The following IL1RAPL1 variants were observed in gnomAD, a reference collection of about 807,000 sequenced individuals.
IL1RAPL1 encodes interleukin-1 receptor accessory protein-like 1.
IL1RAPL1 carries 3 observed loss-of-function variants against 48.4 expected under a neutral mutation model. The ratio of observed to expected loss-of-function variants is 0.06; its 90% CI spans 0.03 to 0.16. The LOEUF (loss-of-function observed/expected upper bound fraction) is 0.16. Ranked by LOEUF, IL1RAPL1 falls within the 10% of genes least tolerant of loss-of-function variation. The probability of loss-of-function intolerance (pLI) is 1.00; values close to 1 mark genes in which losing one functional copy is unlikely to be tolerated. For synonymous variants in IL1RAPL1, 185 were observed against 187.7 expected, an observed-to-expected ratio of 0.99 and a Z score of 0.12; for missense variants, 349 against 530.6, an observed-to-expected ratio of 0.66 and a Z score of 3.36.
At chrX:28,684,554 C>G (rs1935092460) in intron 1 of IL1RAPL1, among the ~76,000 whole-genome samples, 1 of 111,984 alleles carries the variant, frequency 8.9e-6, no homozygotes, top group Admixed American at 9.5e-5. Context: ...CCTATACTTT[C>G]TTGCCTATTT....
chrX:28,733,136 T>TTATATA (rs759306785), intron 1 of IL1RAPL1, among the ~76,000 whole-genome samples: 3 of 107,717 alleles, frequency 2.8e-5, no homozygotes, highest in South Asian at 4.0e-4. Context: ...GCACACACAG[T>TTATATA]TATATATATA....
At chrX:29,563,219 G>C (rs1602299341) in intron 5 of IL1RAPL1, among the ~76,000 whole-genome samples, 1 of 111,727 alleles carries the variant, frequency 9.0e-6, no homozygotes, top group Non-Finnish European at 1.9e-5. Flanking sequence ...GCAGTTTTAT[G>C]TATTCCAGAT....
chrX:29,306,484 G>A (rs376195792), intron 3 of IL1RAPL1, among the ~76,000 whole-genome samples: 4 of 85,262 alleles, frequency 4.7e-5, no homozygotes, highest in East Asian at 4.0e-4. Flanking sequence ...AGCCAAGATC[G>A]TGCCACTGCA....
At chrX:29,686,234 T>G (rs767435331) in intron 6 of IL1RAPL1, among the ~76,000 whole-genome samples, 33 of 111,785 alleles carry the variant, frequency 3.0e-4, no homozygotes, top group Non-Finnish European at 4.9e-4. Context: ...GATAGCATTT[T>G]GTATTCAGTT....
intron 5 of IL1RAPL1, among the ~76,000 whole-genome samples, chrX:29,419,546 C>G (rs779789346): frequency 1.8e-5 from 2 of 111,550 alleles, no homozygotes; most frequent in Non-Finnish European, 3.8e-5. Flanking sequence ...GTCTTGAACT[C>G]CTGACCTCAG....
intron 6 of IL1RAPL1, among the ~76,000 whole-genome samples, chrX:29,744,748 A>C (rs769631277): frequency 1.8e-5 from 2 of 112,213 alleles, no homozygotes; most frequent in Non-Finnish European, 3.8e-5. Flanking sequence ...TCAGTGATTA[A>C]AAATGAGTCG....
chrX:29,345,496 T>G lies in IL1RAPL1; in HGVS notation c.363-50762T>G, dbSNP rs183309092. Among the ~76,000 whole-genome samples, 1,027 of 112,251 alleles carry G rather than the reference T, an allele frequency of 9.1e-3. 11 individuals are homozygous for G. The highest frequency in any genetic ancestry group is 0.032 in the African/African-American group (975 of 30,923). On this transcript the variant is annotated intron_variant, in intron 3 of 10. Coordinates refer to ENST00000378993, the MANE Select transcript of IL1RAPL1 (RefSeq NM_014271.4). The stretch of plus-strand genomic sequence containing the variant: ...TGTATTGGTTTGTTTTATTTTTCAT[T>G]GATTTATAGATAATATTTTGTAAAT...
intron 6 of IL1RAPL1, among the ~76,000 whole-genome samples, chrX:29,693,969 G>A (rs994209401): frequency 7.2e-5 from 8 of 111,206 alleles, no homozygotes; most frequent in African/African-American, 2.0e-4. Flanking sequence ...TGTAAGATTC[G>A]GTTAAGTAGC....
rs1555960745 is a variant in IL1RAPL1 at position 29,081,020 on chromosome X, C to CTCTCTCT, written c.83-201917_83-201916insCTCTCTT. Among the ~76,000 whole-genome samples the CTCTCTCT allele has an allele frequency of 3.3e-4, 14 of 41,913 alleles. 1 individual carries two copies. Among genetic ancestry groups the CTCTCTCT allele is most frequent in the Non-Finnish European group, 6.2e-4 (14 of 22,721 alleles). The allele number at this position is 41,913 out of a possible 115,157, so 36.4% of individuals were successfully genotyped here. On this transcript the variant is annotated intron_variant, in intron 2 of 10. Transcript: ENST00000378993. Reference sequence around the variant, plus strand: ...TCTCTCTCTCTCTCTCTCTCTCTCTCTTTCTTTTCTTTTCTTTTCTTTTCT... The same window carrying CTCTCTCT: ...TCTCTCTCTCTCTCTCTCTCTCTCTCTCTCTCTTTTCTTTTCTTTTCTTTTCTTTTCT...
At chrX:29,076,885 A>G (rs953207204) in intron 2 of IL1RAPL1, among the ~76,000 whole-genome samples, 2 of 111,179 alleles carry the variant, frequency 1.8e-5, no homozygotes, top group East Asian at 5.6e-4. Context: ...AAAGCAAAGA[A>G]AAAAGGAAAA....
intron 2 of IL1RAPL1, among the ~76,000 whole-genome samples, chrX:28,793,936 G>A (rs780122637): frequency 1.3e-4 from 15 of 111,191 alleles, no homozygotes; most frequent in Admixed American, 1.3e-3. Context: ...CAGAGTCAGG[G>A]TTCAAGGAAA....
chrX:28,685,078 G>T (rs764050264), intron 1 of IL1RAPL1, among the ~76,000 whole-genome samples: 2 of 111,930 alleles, frequency 1.8e-5, no homozygotes, highest in East Asian at 5.6e-4. Context: ...TATCAAACTA[G>T]TTTAACCTTC....
chrX:28,628,785 A>G (rs1039877265), intron 1 of IL1RAPL1, among the ~76,000 whole-genome samples: 1 of 112,339 alleles, frequency 8.9e-6, no homozygotes, highest in African/African-American at 3.2e-5. Flanking sequence ...AGCACAGATT[A>G]TACACACATC....
chrX:29,650,543 T>TA, intron 5 of IL1RAPL1, among the ~76,000 whole-genome samples: 1 of 109,978 alleles, frequency 9.1e-6, no homozygotes, highest in Non-Finnish European at 1.9e-5. Context: ...GTCTCTTCAA[T>TA]AAATGGTTTT....
At chrX:29,069,735 T>C (rs1192928711) in intron 2 of IL1RAPL1, among the ~76,000 whole-genome samples, 1 of 110,472 alleles carries the variant, frequency 9.1e-6, no homozygotes, top group Non-Finnish European at 1.9e-5. Flanking sequence ...CATGCAATCC[T>C]ATCAAACATC....
At chrX:28,651,223 AAC>A (rs749385757) in intron 1 of IL1RAPL1, among the ~76,000 whole-genome samples, 310 of 112,598 alleles carry the variant, frequency 2.8e-3, no homozygotes, top group Non-Finnish European at 5.1e-3. Context: ...AGAAATTTGA[AAC>A]ACAGTCTCAA....
intron 1 of IL1RAPL1, among the ~76,000 whole-genome samples, chrX:28,597,407 C>T (rs184407237): frequency 1.8e-5 from 2 of 111,744 alleles, no homozygotes; most frequent in East Asian, 5.7e-4. Context: ...ATCACTGGCT[C>T]TCTTCATTTT....
intron 5 of IL1RAPL1, among the ~76,000 whole-genome samples, chrX:29,465,079 G>C (rs1934847000): frequency 8.9e-6 from 1 of 111,821 alleles, no homozygotes; most frequent in African/African-American, 3.3e-5. Flanking sequence ...TAAAATAAAA[G>C]TTGAATTCAA....
At chrX:29,151,360 A>G (rs930694676) in intron 2 of IL1RAPL1, among the ~76,000 whole-genome samples, 6 of 111,983 alleles carry the variant, frequency 5.4e-5, no homozygotes, top group Non-Finnish European at 1.1e-4. Flanking sequence ...GCTTCTGTGT[A>G]GTTTTGAACT....
Sources: allele counts gnomAD v4.1 joint callset (sites outside exome capture counted in the v4.1 genomes callset), GRCh38; gene constraint gnomAD v4.1.1; transcripts MANE v1.5; gene names NCBI Gene and HGNC (gene_info 2026-07-23, HGNC 2026-07-21).